TTC3: variants seen among roughly 807,000 people sequenced by gnomAD.
TTC3 encodes E3 ubiquitin-protein ligase TTC3.
In TTC3, 180 loss-of-function variants were observed where a neutral mutation model predicts 249.6. The observed-to-expected ratio is 0.72, with a 90% CI of 0.64 to 0.82. The LOEUF (loss-of-function observed/expected upper bound fraction) is 0.82. Ranked by LOEUF, TTC3 falls within the 40% of genes least tolerant of loss-of-function variation. TTC3 has a pLI of 0.00. For synonymous variants in TTC3, 717 were observed against 805.0 expected (o/e 0.89, Z 1.85); for missense variants, 2,061 against 2,398.4 (o/e 0.86, Z 2.94).
intron 34 of TTC3, 101 bp from the exon 35 acceptor site, chr21:37,172,494 T>A (rs1411763437): frequency 7.5e-7 from 1 of 1,334,714 alleles, no homozygotes. Flanking sequence ...TTTCATCTGC[T>A]TTTTACTCTC....
Position 37,100,282 on chromosome 21 carries a change from CT to C in TTC3, c.845+3643del, listed in dbSNP as rs552672114. On this transcript the variant is annotated intron_variant, in intron 10 of 45. Transcript: ENST00000355666. ...GTTCATTTTGTTAATGTTCTCTGTA[CT>C]TTTATGTATACTTGAAATATTTGAT... Among the ~76,000 whole-genome samples the C allele has an allele frequency of 4.0e-4, 61 of 152,146 alleles. No homozygotes were observed. The South Asian group carries it at 8.7e-3, about 22-fold the overall frequency.
intron 10 of TTC3, among the ~76,000 whole-genome samples, chr21:37,106,373 TTGA>T (rs2075077617): frequency 6.6e-6 from 1 of 152,236 alleles, no homozygotes; most frequent in African/African-American, 2.4e-5. Context: ...CTTTTCACTG[TTGA>T]TGTTTTCACA....
intron 35 of TTC3, among the ~76,000 whole-genome samples, chr21:37,181,213 A>C (rs775984191): frequency 3.3e-5 from 5 of 152,218 alleles, no homozygotes; most frequent in Non-Finnish European, 2.9e-5. Context: ...ATGTATGTGC[A>C]CATATGTTTA....
intron 21 of TTC3, among the ~76,000 whole-genome samples, chr21:37,147,159 C>T (rs1251023926): frequency 6.6e-6 from 1 of 152,076 alleles, no homozygotes; most frequent in South Asian, 2.1e-4. Context: ...ACTTGACTTC[C>T]TCTTAATGCT....
exon 33 of TTC3, chr21:37,166,473 G>C: frequency 6.2e-7 from 1 of 1,614,210 alleles, no homozygotes; most frequent in Non-Finnish European, 8.5e-7. Flanking sequence ...TCACACTGCA[G>C]CACAGGTGAT....
intron 27 of TTC3, 36 bp from the exon 28 acceptor site, chr21:37,156,619 C>T (rs373789228): frequency 1.3e-6 from 2 of 1,569,640 alleles, no homozygotes; most frequent in South Asian, 1.2e-5. Context: ...AAATAATTTC[C>T]CTCCTCTTCT....
chr21:37,087,034 A>G, intron 1 of TTC3: 1 of 546,834 alleles, frequency 1.8e-6, no homozygotes, highest in Admixed American at 3.4e-5. Context: ...TGTGAACCTG[A>G]GGAAAGGAAG....
chr21:37,090,356 C>T, intron 6 of TTC3, 70 bp downstream of exon 6: 2 of 1,377,906 alleles, frequency 1.5e-6, no homozygotes, highest in Non-Finnish European at 2.1e-6. Flanking sequence ...GCTCATTTCC[C>T]CTTGCATTGG....
intron 11 of TTC3, among the ~76,000 whole-genome samples, chr21:37,115,801 T>A (rs1467114093): frequency 1.3e-5 from 2 of 152,188 alleles, no homozygotes; most frequent in Non-Finnish European, 2.9e-5. Context: ...CACTTTGTAC[T>A]TGCCCTTCCC....
chr21:37,113,824 T>TTC (rs1568953709), intron 11 of TTC3, among the ~76,000 whole-genome samples: 2 of 152,226 alleles, frequency 1.3e-5, no homozygotes, highest in African/African-American at 4.8e-5. Context: ...AGCATGTTAC[T>TTC]GGTACCAAAA....
chr21:37,118,955 G>C (rs1568969322), intron 11 of TTC3, among the ~76,000 whole-genome samples: 1 of 152,006 alleles, frequency 6.6e-6, no homozygotes, highest in Non-Finnish European at 1.5e-5. Context: ...TTCACCTCTT[G>C]AACACATAGG....
intron 1 of TTC3, among the ~76,000 whole-genome samples, chr21:37,084,519 A>G (rs1367240160): frequency 2.0e-5 from 3 of 152,210 alleles, no homozygotes; most frequent in African/African-American, 7.2e-5. Context: ...CAGATTGATC[A>G]GGTAGGTAGT....
intron 7 of TTC3, among the ~76,000 whole-genome samples, chr21:37,092,646 C>T (rs1420348941): frequency 2.0e-5 from 3 of 152,094 alleles, no homozygotes; most frequent in Non-Finnish European, 2.9e-5. Context: ...ATCTCAAAGC[C>T]CAGGTTTTAT....
At chr21:37,142,777 C>T (rs1214163566) in intron 20 of TTC3, among the ~76,000 whole-genome samples, 1 of 152,110 alleles carries the variant, frequency 6.6e-6, no homozygotes, top group South Asian at 2.1e-4. Context: ...AAAAAGAGCC[C>T]GCATTGCCAA....
intron 33 of TTC3, among the ~76,000 whole-genome samples, chr21:37,166,943 A>G (rs1400545404): frequency 6.6e-6 from 1 of 152,192 alleles, no homozygotes; most frequent in African/African-American, 2.4e-5. Context: ...TTTGTAGGAA[A>G]GTTCAAGTGC....
In TTC3 at chr21:37,165,849, G is replaced by A. The variant is rs986747182; in HGVS notation, c.3635G>A (p.Arg1212Lys). 18 of 1,614,064 alleles carry A rather than the reference G, an allele frequency of 1.1e-5. No homozygotes were observed. The African/African-American group carries it at 2.1e-4, about 19-fold the overall frequency. The change falls in exon 33 of 46, where the codon AGG (arginine) becomes AAG (lysine). Residue 1212 changes from arginine to lysine, a missense_variant. By Grantham distance (26) the Arg-to-Lys change is conservative. This residue lies in a region of TTC3 where 1,040 missense variants were observed against 1,186.1 expected (regional missense o/e 0.88). Transcript: ENST00000355666. ...AAACTACAACTGAATCCAGCTGCTA[G>A]GGAATTTAAACCAGATGTAAAGTCT...
chr21:37,095,964 GC>G (rs1190939342), intron 9 of TTC3, among the ~76,000 whole-genome samples: 2 of 152,130 alleles, frequency 1.3e-5, no homozygotes, highest in East Asian at 3.9e-4. Flanking sequence ...TCTCAGTCAG[GC>G]CGCCTAATAT....
intron 38 of TTC3, among the ~76,000 whole-genome samples, chr21:37,187,371 C>A (rs1457318995): frequency 6.6e-6 from 1 of 152,158 alleles, no homozygotes; most frequent in Non-Finnish European, 1.5e-5. Context: ...ATAGTGTACA[C>A]CAAATTTTGT....
intron 10 of TTC3, chr21:37,099,023 T>TA (rs1358947845): frequency 6.6e-6 from 1 of 152,176 alleles, no homozygotes; most frequent in African/African-American, 2.4e-5. Flanking sequence ...CCAGACTTCT[T>TA]ATCTGCTGTC....
Sources: gnomAD v4.1 joint callset for allele counts (sites outside exome capture counted in the v4.1 genomes callset) on GRCh38, gnomAD v4.1.1 for gene constraint, gnomAD v4.1.1 regional missense constraint, MANE v1.5 for transcripts, NCBI Gene and HGNC (gene_info 2026-07-23, HGNC 2026-07-21) for gene names.